RBFOX3: variants seen among roughly 807,000 people sequenced by gnomAD.
RBFOX3 encodes the protein RNA binding fox-1 homolog 3, also known as RNA binding protein fox-1 homolog 3.
RBFOX3 carries 17 observed loss-of-function variants against 48.7 expected under a neutral mutation model. The ratio of observed to expected loss-of-function variants is 0.35; its 90% CI spans 0.24 to 0.52. The LOEUF is 0.52. Among genes scored for constraint, RBFOX3 ranks in the 20% least tolerant of loss-of-function variants. The pLI is 0.94. For missense variants in RBFOX3, 382 were observed against 497.5 expected, an observed-to-expected ratio of 0.77 and a Z score of 2.21; for synonymous variants, 212 against 209.5, an observed-to-expected ratio of 1.01 and a Z score of -0.10.
At chr17:79,621,485 AC>A in the RBFOX3 span, among the ~76,000 whole-genome samples, 1 of 152,188 alleles carries the variant, frequency 6.6e-6, no homozygotes, top group African/African-American at 2.4e-5. Context: ...TAGTAAAAGC[AC>A]GTCTCTACCA....
intron 3 of RBFOX3, among the ~76,000 whole-genome samples, chr17:79,285,147 C>T (rs79516969): frequency 0.03 from 4,635 of 152,268 alleles, 114 homozygotes; most frequent in East Asian, 0.068. Context: ...TCTCCTTCTA[C>T]GACGCAGGCA....
intron 4 of RBFOX3, among the ~76,000 whole-genome samples, chr17:79,128,883 G>C (rs571760746): frequency 6.6e-6 from 1 of 152,208 alleles, no homozygotes; most frequent in Admixed American, 6.5e-5. Flanking sequence ...TTGGTGCATG[G>C]CCCTGTTTCA....
chr17:79,598,366 G>GCA (rs2093622285), intron 1 of RBFOX3: 1 of 149,214 alleles, frequency 6.7e-6, no homozygotes, highest in Non-Finnish European at 1.5e-5. Context: ...GCACACATGT[G>GCA]CACACATACA....
chr17:79,329,692 C>A (rs1027294352), intron 2 of RBFOX3, among the ~76,000 whole-genome samples: 1 of 152,160 alleles, frequency 6.6e-6, no homozygotes, highest in Non-Finnish European at 1.5e-5. Context: ...TAATGGCCAG[C>A]CCCGGTGCAT....
chr17:79,575,816 C>G (rs2144671673), intron 1 of RBFOX3, among the ~76,000 whole-genome samples: 1 of 152,262 alleles, frequency 6.6e-6, no homozygotes, highest in East Asian at 1.9e-4. Flanking sequence ...CTGGCCCCTC[C>G]CCATAAGGCT....
Position 79,535,958 on chromosome 17 carries a change from T to C in RBFOX3, c.-319-53360A>G, listed in dbSNP as rs1408601418. 6.6e-6 allele frequency among the ~76,000 whole-genome samples: 1 copy of C among 152,028 alleles called. No individual in the cohort carries two copies. Among genetic ancestry groups the C allele is most frequent in the Non-Finnish European group, 1.5e-5 (1 of 67,998 alleles). On this transcript the variant is annotated intron_variant, in intron 1 of 14. Coordinates refer to ENST00000693108, the MANE Select transcript of RBFOX3 (RefSeq NM_001350451.2). The surrounding 1 kb of genome is among the most constrained non-coding windows in gnomAD (Gnocchi z 4.5). ...AGGGTCATCTCCACAGGCCCCTCCC[T>C]CCCTCCACAGCTTCCTAAGCACTGA...
At chr17:79,335,503 C>T (rs984500992) in intron 2 of RBFOX3, among the ~76,000 whole-genome samples, 5 of 152,202 alleles carry the variant, frequency 3.3e-5, no homozygotes, top group Non-Finnish European at 5.9e-5. Flanking sequence ...GACACTTGGC[C>T]ATGCACGGAT....
intron 2 of RBFOX3, among the ~76,000 whole-genome samples, chr17:79,315,251 A>G (rs1349596057): frequency 6.6e-6 from 1 of 152,184 alleles, no homozygotes; most frequent in African/African-American, 2.4e-5. Flanking sequence ...TTTCATCCCT[A>G]GTGATGGCCT....
intron 2 of RBFOX3, among the ~76,000 whole-genome samples, chr17:79,385,976 G>T (rs1055907723): frequency 7.0e-6 from 1 of 143,760 alleles, no homozygotes; most frequent in Non-Finnish European, 1.5e-5. Context: ...CCAGATGGGG[G>T]CTCCATCACT....
At chr17:79,370,682 A>G (rs1247529693) in intron 2 of RBFOX3, among the ~76,000 whole-genome samples, 2 of 151,582 alleles carry the variant, frequency 1.3e-5, no homozygotes, top group African/African-American at 4.9e-5. Flanking sequence ...ACATGTACAC[A>G]TCTCTCATAC....
Position 79,443,619 on chromosome 17 carries a change from G to C in RBFOX3, c.-175+38835C>G, listed in dbSNP as rs1365666212. 6.6e-6 allele frequency among the ~76,000 whole-genome samples: 1 copy of C among 152,116 alleles called. No individual in the cohort carries two copies. The highest frequency in any genetic ancestry group is 2.4e-5 in the African/African-American group (1 of 41,416). On this transcript the variant is annotated intron_variant, in intron 2 of 14. Coordinates refer to ENST00000693108, the MANE Select transcript of RBFOX3 (RefSeq NM_001350451.2). This position sits in a 1 kb window ranked among gnomAD's most constrained non-coding sequence, Gnocchi z 4.4. ...GCTGGCCACAAACTCCTGACCTCAG[G>C]TGATCCACCCGCCTCGGCCTCCCAA...
At chr17:79,117,479 T>A (rs2034393326) in intron 4 of RBFOX3, among the ~76,000 whole-genome samples, 1 of 152,214 alleles carries the variant, frequency 6.6e-6, no homozygotes, top group Non-Finnish European at 1.5e-5. Context: ...ACCTACTAGG[T>A]GCAGGCAGAG....
chr17:79,506,169 G>A (rs1356707202), intron 1 of RBFOX3, among the ~76,000 whole-genome samples: 4 of 152,208 alleles, frequency 2.6e-5, no homozygotes, highest in East Asian at 1.9e-4. Context: ...ACCTTGCTTC[G>A]CAAAGGGAAT....
At chr17:79,599,089 C>G (rs2093640567) in intron 1 of RBFOX3, 1 of 152,244 alleles carries the variant, frequency 6.6e-6, no homozygotes, top group Admixed American at 6.5e-5. Context: ...CCCAGCTACT[C>G]TGCAATCCAG....
At chr17:79,381,646 T>C (rs908512765) in intron 2 of RBFOX3, among the ~76,000 whole-genome samples, 32 of 152,334 alleles carry the variant, frequency 2.1e-4, no homozygotes, top group Admixed American at 1.8e-3. Context: ...CTGACCACCT[T>C]GTACGACTTC....
At position 79,204,537 on chromosome 17, in the gene RBFOX3, G is replaced by A. The variant is rs904235823; in HGVS notation, c.-34+31229C>T. 6.6e-6 allele frequency among the ~76,000 whole-genome samples: 1 copy of A among 152,204 alleles called. No individual in the cohort carries two copies. Among genetic ancestry groups the A allele is most frequent in the African/African-American group, 2.4e-5 (1 of 41,436 alleles). On this transcript the variant is annotated intron_variant, in intron 4 of 14. Coordinates refer to ENST00000693108, the MANE Select transcript of RBFOX3 (RefSeq NM_001350451.2). The surrounding 1 kb of genome is among the most constrained non-coding windows in gnomAD (Gnocchi z 4.5). ...GTCGACGCGCTGGAACTACTTTGGT[G>A]GAGTATTAAAGAAGGGGTCCGAAGG...
chr17:79,496,620 G>C (rs1425125240), intron 1 of RBFOX3, among the ~76,000 whole-genome samples: 4 of 152,250 alleles, frequency 2.6e-5, no homozygotes, highest in African/African-American at 9.6e-5. Context: ...GCCACCTTGA[G>C]GACAGGAGGC....
the RBFOX3 span, among the ~76,000 whole-genome samples, chr17:79,625,505 T>C: frequency 6.6e-6 from 1 of 152,136 alleles, no homozygotes; most frequent in Non-Finnish European, 1.5e-5. Context: ...ATAAGTGAGT[T>C]TGGGGCCAGG....
rs578180117 is a variant in RBFOX3, at chr17:79,097,178, C to G, written c.755+114G>C. 1.1e-4 allele frequency: 101 copies of G among 884,174 alleles called. 1 individual carries two copies. Among genetic ancestry groups the G allele is most frequent in the African/African-American group, 4.3e-4 (25 of 58,192 alleles). The allele number at this position is 884,174 out of a possible 1,614,324, so 54.8% of individuals were successfully genotyped here. A position where few individuals can be genotyped will look rare whatever the true frequency, so the allele number is the denominator to read the frequency against. Reference sequence around the variant, plus strand: ...TTCTGGGGCTCCCACGATCCTCCCCCCCCCCAGGTCTGGAAAGGCTGCCTA... The same window carrying G: ...TTCTGGGGCTCCCACGATCCTCCCCGCCCCCAGGTCTGGAAAGGCTGCCTA... On this transcript the variant is annotated intron_variant, in intron 11 of 14. Coordinates refer to ENST00000693108, the MANE Select transcript of RBFOX3 (RefSeq NM_001350451.2).
Sources: allele counts gnomAD v4.1 joint callset (sites outside exome capture counted in the v4.1 genomes callset), GRCh38; gene constraint gnomAD v4.1.1; non-coding constraint Gnocchi (gnomAD v3.1); transcripts MANE v1.5; gene names NCBI Gene and HGNC (gene_info 2026-07-23, HGNC 2026-07-21).